Variants in SLMAP observed in about 807,000 individuals in gnomAD.
SLMAP encodes sarcolemmal membrane-associated protein.
A neutral mutation model predicts 128.8 loss-of-function variants in SLMAP; 44 were observed. That is an observed-to-expected ratio of 0.34 (90% confidence interval 0.27 to 0.44). The LOEUF is 0.44. Ranked by LOEUF, SLMAP falls within the 20% of genes least tolerant of loss-of-function variation. The pLI, the probability that SLMAP is intolerant of heterozygous loss-of-function variation, is 1.00. For missense variants in SLMAP, 787 were observed against 985.3 expected (o/e 0.80, Z 2.69); for synonymous variants, 327 against 348.8 (o/e 0.94, Z 0.70).
intron 6 of SLMAP, among the ~76,000 whole-genome samples, chr3:57,852,974 A>G (rs1211198143): frequency 6.6e-6 from 1 of 152,246 alleles, no homozygotes; most frequent in African/African-American, 2.4e-5. Context: ...ACTGGAATAG[A>G]TGCATTTTAT....
At chr3:57,907,185 G>A (rs1312690464) in intron 17 of SLMAP, among the ~76,000 whole-genome samples, 2 of 152,128 alleles carry the variant, frequency 1.3e-5, no homozygotes, top group Admixed American at 6.6e-5. Context: ...CTGCCACCAC[G>A]CCTGGCTAAT....
At chr3:57,792,792 T>A (rs1211463112) in intron 2 of SLMAP, among the ~76,000 whole-genome samples, 1 of 152,118 alleles carries the variant, frequency 6.6e-6, no homozygotes, top group Non-Finnish European at 1.5e-5. Flanking sequence ...TAATTTTTTT[T>A]AAAGAAATGT....
chr3:57,778,721 G>T (rs2082415887), intron 2 of SLMAP, among the ~76,000 whole-genome samples: 1 of 151,702 alleles, frequency 6.6e-6, no homozygotes. Context: ...GACTACAGGT[G>T]CATGCCACCA....
Position 57,857,769 on chromosome 3 carries a change from T to G in SLMAP, c.556T>G (p.Leu186Val), listed in dbSNP as rs1294066466. ...LHREQMLEQK[L>V]ATLQRLLAIT... is the part of the protein sequence containing the mutation. ...TCGGGAACAAATGTTGGAACAGAAG[T>G]TAGCCACGCTTCAGCGGCTACTAGC... is the stretch of plus-strand genomic sequence containing the variant. The change falls in exon 7 of 25, where the codon TTA (leucine) becomes GTA (valine). Residue 186 changes from leucine (L) to valine (V), a missense_variant. Physicochemically the swap from Leu to Val is conservative, Grantham distance 32. Coordinates refer to ENST00000671191, the MANE Select transcript of SLMAP (RefSeq NM_001377540.1). 6.2e-7 allele frequency: 1 copy of G among 1,613,894 alleles called. No homozygotes were observed. The highest frequency in any genetic ancestry group is 1.1e-5 in the South Asian group (1 of 91,082).
intron 19 of SLMAP, among the ~76,000 whole-genome samples, chr3:57,911,477 A>G (rs1359648505): frequency 2.0e-5 from 3 of 152,198 alleles, no homozygotes; most frequent in African/African-American, 7.2e-5. Flanking sequence ...ATTTTATACA[A>G]ATTGTTTCCA....
At chr3:57,801,658 A>G (rs1295300146) in intron 2 of SLMAP, among the ~76,000 whole-genome samples, 2 of 149,446 alleles carry the variant, frequency 1.3e-5, no homozygotes. Flanking sequence ...TTTTTTTTTA[A>G]CTATTATAAA....
At chr3:57,889,056 TTG>T (rs1204738918) in intron 14 of SLMAP, among the ~76,000 whole-genome samples, 4 of 152,162 alleles carry the variant, frequency 2.6e-5, no homozygotes, top group Non-Finnish European at 5.9e-5. Flanking sequence ...AGCTAATTTT[TTG>T]TGTTTCCAGT....
chr3:57,790,835 TAAG>T (rs781003959), intron 2 of SLMAP, among the ~76,000 whole-genome samples: 1 of 152,336 alleles, frequency 6.6e-6, no homozygotes. Flanking sequence ...CTGTAAATTT[TAAG>T]AACATAATTA....
intron 2 of SLMAP, among the ~76,000 whole-genome samples, chr3:57,801,982 A>C (rs1026710262): frequency 9.2e-5 from 14 of 152,318 alleles, no homozygotes; most frequent in African/African-American, 3.4e-4. Flanking sequence ...TTTCAAGGTT[A>C]TTTAAAATAT....
chr3:57,762,083 A>C (rs1182839678), intron 2 of SLMAP, among the ~76,000 whole-genome samples: 2 of 150,862 alleles, frequency 1.3e-5, no homozygotes, highest in Non-Finnish European at 3.0e-5. Context: ...AAGTTGGAAG[A>C]AATAGGCCAG....
At chr3:57,824,350 A>T (rs2092759736) in intron 2 of SLMAP, among the ~76,000 whole-genome samples, 1 of 152,172 alleles carries the variant, frequency 6.6e-6, no homozygotes, top group Non-Finnish European at 1.5e-5. Context: ...GACAGAAAAA[A>T]TAGTCAGAGA....
intron 2 of SLMAP, among the ~76,000 whole-genome samples, chr3:57,793,691 A>C (rs1377357175): frequency 6.6e-6 from 1 of 152,098 alleles, no homozygotes; most frequent in Non-Finnish European, 1.5e-5. Flanking sequence ...ATCTGCCCAT[A>C]TCTCCTTCAG....
At chr3:57,881,352 G>C (rs1430360617) in intron 14 of SLMAP, among the ~76,000 whole-genome samples, 1 of 152,156 alleles carries the variant, frequency 6.6e-6, no homozygotes, top group Non-Finnish European at 1.5e-5. Context: ...AGAGATCTCT[G>C]ATCTCACCTC....
At chr3:57,861,186 T>G (rs1175527476) in intron 9 of SLMAP, among the ~76,000 whole-genome samples, 5 of 151,672 alleles carry the variant, frequency 3.3e-5, no homozygotes, top group Non-Finnish European at 7.4e-5. Context: ...GGGGTCAGTG[T>G]AAGGCCAAGA....
intron 21 of SLMAP, among the ~76,000 whole-genome samples, chr3:57,915,843 T>C (rs1211247553): frequency 6.6e-6 from 1 of 152,048 alleles, no homozygotes; most frequent in Non-Finnish European, 1.5e-5. Context: ...GTAAGTCAGA[T>C]TTTTTTTAAC....
Position 57,834,161 on chromosome 3 carries a change from G to T in SLMAP, c.346+2631G>T, listed in dbSNP as rs1315872163. 2.6e-5 allele frequency among the ~76,000 whole-genome samples: 4 copies of T among 152,050 alleles called. No individual in the cohort carries two copies. In the East Asian group the frequency reaches 7.7e-4, roughly 29 times the overall value. ...AATCTTAAATTCCATTCATGTTAAA[G>T]AAGAAAGACAATTAAGAAATCTGAC... On this transcript the variant is annotated intron_variant, in intron 3 of 24. Coordinates refer to ENST00000671191, the MANE Select transcript of SLMAP (RefSeq NM_001377540.1).
At chr3:57,768,659 G>A (rs2080205322) in intron 2 of SLMAP, among the ~76,000 whole-genome samples, 1 of 152,170 alleles carries the variant, frequency 6.6e-6, no homozygotes, top group African/African-American at 2.4e-5. Flanking sequence ...TGTGGTATCA[G>A]TTTTTCACTT....
chr3:57,845,103 C>T (rs189246583), intron 4 of SLMAP, among the ~76,000 whole-genome samples: 168 of 152,146 alleles, frequency 1.1e-3, no homozygotes, highest in African/African-American at 3.9e-3. Context: ...TTTCCATAAT[C>T]AATATTTGTT....
intron 2 of SLMAP, among the ~76,000 whole-genome samples, chr3:57,762,621 T>C (rs2078906364): frequency 6.6e-6 from 1 of 152,164 alleles, no homozygotes. Flanking sequence ...AGCAGTTGGA[T>C]ATTGCCTTGT....
Sources: allele counts gnomAD v4.1 joint callset (sites outside exome capture counted in the v4.1 genomes callset), GRCh38; gene constraint gnomAD v4.1.1; transcripts MANE v1.5; gene names NCBI Gene and HGNC (gene_info 2026-07-23, HGNC 2026-07-21).